Variants in NEDD4L observed in about 807,000 individuals in gnomAD.
The protein encoded by NEDD4L is E3 ubiquitin-protein ligase NEDD4-like.
Under a neutral mutation model 148.9 loss-of-function variants are expected in NEDD4L, and 54 were observed. The ratio of observed to expected loss-of-function variants is 0.36; its 90% CI spans 0.29 to 0.45. The LOEUF is 0.45. Among genes scored for constraint, NEDD4L ranks in the 20% least tolerant of loss-of-function variants. The pLI is 1.00. For synonymous variants in NEDD4L, 433 were observed against 440.7 expected, an observed-to-expected ratio of 0.98 and a Z score of 0.22; for missense variants, 856 against 1,233.8, an observed-to-expected ratio of 0.69 and a Z score of 4.59.
chr18:58,364,197 T>C (rs2045848515), intron 19 of NEDD4L, 71 bp from the exon 20 acceptor site: 1 of 861,668 alleles, frequency 1.2e-6, no homozygotes, highest in Middle Eastern at 2.9e-4. Context: ...TTCTCTTGAA[T>C]GTTGCCTCAG....
chr18:58,381,638 AT>A (rs1422460729), intron 24 of NEDD4L, among the ~76,000 whole-genome samples: 1 of 152,156 alleles, frequency 6.6e-6, no homozygotes, highest in Non-Finnish European at 1.5e-5. Context: ...TTAACTTGTC[AT>A]TGACGTGGAT....
chr18:58,348,147 C>T (rs183419842), intron 16 of NEDD4L, among the ~76,000 whole-genome samples: 1 of 151,790 alleles, frequency 6.6e-6, no homozygotes, highest in Non-Finnish European at 1.5e-5. Context: ...CAGGCATGCA[C>T]CACCACACTC....
intron 13 of NEDD4L, among the ~76,000 whole-genome samples, chr18:58,336,465 T>C (rs1010703603): frequency 1.3e-5 from 2 of 151,726 alleles, no homozygotes; most frequent in African/African-American, 2.4e-5. Flanking sequence ...TAGTCCCAGC[T>C]ACTCGGGAGG....
intron 1 of NEDD4L, among the ~76,000 whole-genome samples, chr18:58,109,218 C>T (rs1001130794): frequency 1.3e-5 from 2 of 152,146 alleles, no homozygotes; most frequent in African/African-American, 4.8e-5. Context: ...CCCAGGAGGG[C>T]GTGATAAGTG....
Position 58,139,330 on chromosome 18 carries a change from C to A in NEDD4L, c.49-26458C>A, listed in dbSNP as rs2033227654. Reference sequence around the variant, plus strand: ...GCCCCATACAGGAGACCCTCAGATACATTTCTGTCAGTACCCTCAGTTACA... The same window carrying A: ...GCCCCATACAGGAGACCCTCAGATAAATTTCTGTCAGTACCCTCAGTTACA... On this transcript the variant is annotated intron_variant, in intron 1 of 30. Transcript: ENST00000400345. 2.9e-5 allele frequency among the ~76,000 whole-genome samples: 4 copies of A among 136,546 alleles called. No individual in the cohort carries two copies. In the South Asian group the frequency reaches 1.1e-3, roughly 38 times the overall value. The allele number at this position is 136,546 out of a possible 152,430, so 89.6% of individuals were successfully genotyped here.
intron 1 of NEDD4L, among the ~76,000 whole-genome samples, chr18:58,142,339 C>T (rs537767911): frequency 4.0e-4 from 61 of 152,048 alleles, no homozygotes; most frequent in South Asian, 1.0e-3. Flanking sequence ...TGAACCACAC[C>T]GCGCCCAGCC....
intron 1 of NEDD4L, among the ~76,000 whole-genome samples, chr18:58,108,354 C>G (rs2085207076): frequency 6.6e-6 from 1 of 152,192 alleles, no homozygotes; most frequent in Non-Finnish European, 1.5e-5. Context: ...AGAGGAACAT[C>G]ATGAAAATAT....
chr18:58,166,648 G>A (rs374849169), intron 2 of NEDD4L, among the ~76,000 whole-genome samples: 4 of 152,220 alleles, frequency 2.6e-5, no homozygotes, highest in Non-Finnish European at 5.9e-5. Flanking sequence ...TGCAGGTCAC[G>A]TGGGCCAGTG....
At chr18:58,346,696 T>A (rs944538086) in intron 16 of NEDD4L, among the ~76,000 whole-genome samples, 1 of 152,230 alleles carries the variant, frequency 6.6e-6, no homozygotes, top group African/African-American at 2.4e-5. Context: ...AAAAACACTT[T>A]GAACTTGATG....
In NEDD4L at chr18:58,044,281, A is replaced by G. The variant is rs2081473687; in HGVS notation, c.-380A>G. ...GAGGCGGGCGAGCCGGGTCCCCGGGAGCGCAGAGGAGGCTCGGAGGGGGGC... is the reference window on the plus strand; with the variant it reads ...GAGGCGGGCGAGCCGGGTCCCCGGGGGCGCAGAGGAGGCTCGGAGGGGGGC... On this transcript the variant is annotated 5_prime_UTR_variant, in exon 1 of 31. Transcript: ENST00000400345. The G allele has an allele frequency of 6.7e-6, 1 of 148,512 alleles. No homozygotes were observed. The highest frequency in any genetic ancestry group is 2.0e-4 in the East Asian group (1 of 5,002). 9.2% of individuals were successfully genotyped at this position (148,512 alleles called of 1,614,324 possible).
At chr18:58,322,292 C>G in intron 6 of NEDD4L, 133 bp from the exon 7 acceptor site, 1 of 696,394 alleles carries the variant, frequency 1.4e-6, no homozygotes, top group Non-Finnish European at 2.6e-6. Flanking sequence ...CTGTCAGGTA[C>G]CAAGTGAAGA....
chr18:58,184,954 G>C (rs1215350584), intron 2 of NEDD4L, among the ~76,000 whole-genome samples: 1 of 151,810 alleles, frequency 6.6e-6, no homozygotes, highest in Non-Finnish European at 1.5e-5. Flanking sequence ...AGAAAAGAAA[G>C]TGTTCTCCTA....
intron 1 of NEDD4L, among the ~76,000 whole-genome samples, chr18:58,067,871 A>G (rs2082678849): frequency 6.6e-6 from 1 of 152,174 alleles, no homozygotes; most frequent in Non-Finnish European, 1.5e-5. Flanking sequence ...ATGCAGGTGT[A>G]TCTGTGTCGA....
rs184175735 is a variant in NEDD4L at position 58,085,503 on chromosome 18, T to C, written c.48+40795T>C. On this transcript the variant is annotated intron_variant, in intron 1 of 30. Transcript: ENST00000400345. ...TGAGGGAAATGAGTGTGCAAGATAATGAGGCGATCCCAAGGGAAGTAAAAG... is the reference window on the plus strand; with the variant it reads ...TGAGGGAAATGAGTGTGCAAGATAACGAGGCGATCCCAAGGGAAGTAAAAG... 2.6e-5 allele frequency among the ~76,000 whole-genome samples: 4 copies of C among 152,220 alleles called. No homozygotes were observed. In the East Asian group the frequency reaches 7.7e-4, roughly 29 times the overall value.
rs868203482 is a variant in NEDD4L at position 58,398,427 on chromosome 18, T to C, written c.*2158T>C. 6.6e-6 allele frequency: 1 copy of C among 152,108 alleles called. No homozygotes were observed. Among genetic ancestry groups the C allele is most frequent in the African/African-American group, 2.4e-5 (1 of 41,408 alleles). 9.4% of individuals were successfully genotyped at this position (152,108 alleles called of 1,614,324 possible). A position where few individuals can be genotyped will look rare whatever the true frequency, so the allele number is the denominator to read the frequency against. On this transcript the variant is annotated 3_prime_UTR_variant, in exon 31 of 31. Coordinates refer to ENST00000400345, the MANE Select transcript of NEDD4L (RefSeq NM_001144967.3). ...TCTAACCTAAGAACTGGGATTCTTC[T>C]GTCATCTTGTAAACCGTATATTGAA...
At position 58,381,208 on chromosome 18, in the gene NEDD4L, A is replaced by G. The variant is rs1029177688; in HGVS notation, c.2353-2038A>G. 3.3e-5 allele frequency among the ~76,000 whole-genome samples: 5 copies of G among 152,334 alleles called. No individual in the cohort carries two copies. The East Asian group carries it at 5.8e-4, about 18-fold the overall frequency. ...TTGTGATGCCTATTGCCAAATTATA[A>G]TATCTTCAGAAAAAGATTGAACCAA... On this transcript the variant is annotated intron_variant, in intron 24 of 30. Transcript: ENST00000400345.
chr18:58,354,267 G>C (rs2044297656), intron 18 of NEDD4L, among the ~76,000 whole-genome samples: 1 of 152,156 alleles, frequency 6.6e-6, no homozygotes, highest in Non-Finnish European at 1.5e-5. Flanking sequence ...AACATTAGAA[G>C]AGAAAATTGA....
At chr18:58,379,183 G>A (rs1359144465) in intron 24 of NEDD4L, among the ~76,000 whole-genome samples, 1 of 152,188 alleles carries the variant, frequency 6.6e-6, no homozygotes, top group Non-Finnish European at 1.5e-5. Context: ...TGCTCACCAG[G>A]GAGCAGGGCC....
chr18:58,056,952 C>T (rs987571195), intron 1 of NEDD4L, among the ~76,000 whole-genome samples: 12 of 139,460 alleles, frequency 8.6e-5, no homozygotes, highest in East Asian at 2.3e-4. Context: ...GGAAAGAGAA[C>T]GGCCTCCTGT....
Sources: gnomAD v4.1 joint callset for allele counts (sites outside exome capture counted in the v4.1 genomes callset) on GRCh38, gnomAD v4.1.1 for gene constraint, MANE v1.5 for transcripts, NCBI Gene and HGNC (gene_info 2026-07-23, HGNC 2026-07-21) for gene names.